Variants in NRXN3 observed in about 807,000 individuals in gnomAD.
NRXN3 encodes neurexin 3.
Under a neutral mutation model 137.6 loss-of-function variants are expected in NRXN3, and 32 were observed. That is an observed-to-expected ratio of 0.23 (90% confidence interval 0.18 to 0.31). The LOEUF is 0.31. NRXN3 is among the 10% of genes least tolerant of loss of function. NRXN3 has a pLI of 1.00. For missense variants in NRXN3, 1,574 were observed against 2,062.5 expected (o/e 0.76, Z 4.59); for synonymous variants, 798 against 784.5 (o/e 1.02, Z -0.29).
intron 10 of NRXN3, among the ~76,000 whole-genome samples, chr14:78,930,960 C>T (rs2099320035): frequency 6.6e-6 from 1 of 152,066 alleles, no homozygotes; most frequent in Admixed American, 6.6e-5. Flanking sequence ...TTCATACACA[C>T]ATAATTTGAA....
Position 78,243,605 on chromosome 14 carries a change from G to A in NRXN3, c.512G>A (p.Gly171Asp), listed in dbSNP as rs751792833. 1 of 1,598,324 alleles carries A rather than the reference G, an allele frequency of 6.3e-7. No homozygotes were observed. Among genetic ancestry groups the A allele is most frequent in the Non-Finnish European group, 8.5e-7 (1 of 1,179,814 alleles). ...LTLDGVQAMP[G>D]FKGLILDLKY... ...CTTGATGGAGTTCAGGCCATGCCCG[G>A]CTTCAAGGGGTTAATTCTGGATCTC... The change falls in exon 2 of 21, where the codon GGC becomes GAC. Residue 171 changes from glycine (G) to aspartate (D), a missense_variant. Physicochemically the swap from Gly to Asp is moderately conservative, Grantham distance 94. Transcript: ENST00000335750. The surrounding 1 kb of genome is among the most constrained non-coding windows in gnomAD (Gnocchi z 4.2).
At chr14:79,389,784 G>A (rs1769980954) in intron 15 of NRXN3, among the ~76,000 whole-genome samples, 1 of 152,050 alleles carries the variant, frequency 6.6e-6, no homozygotes, top group Non-Finnish European at 1.5e-5. Context: ...ATTAATGAAA[G>A]GTCTGTCTCT....
At chr14:78,233,995 T>C (rs2065831882) in intron 1 of NRXN3, among the ~76,000 whole-genome samples, 1 of 152,200 alleles carries the variant, frequency 6.6e-6, no homozygotes, top group Non-Finnish European at 1.5e-5. Context: ...AGTAATTGAA[T>C]CATGGGGGCA....
intron 15 of NRXN3, among the ~76,000 whole-genome samples, chr14:79,007,638 T>C (rs2099555986): frequency 6.6e-6 from 1 of 151,552 alleles, no homozygotes; most frequent in Non-Finnish European, 1.5e-5. Context: ...ACCCCGTCTC[T>C]ACTAAAAAAT....
At chr14:79,444,963 A>G (rs993714258) in intron 15 of NRXN3, among the ~76,000 whole-genome samples, 2 of 152,266 alleles carry the variant, frequency 1.3e-5, no homozygotes, top group African/African-American at 4.8e-5. Context: ...CCTGATGACT[A>G]TATGGCAGTT....
chr14:78,884,802 A>G (rs983183287), intron 10 of NRXN3, among the ~76,000 whole-genome samples: 7 of 152,154 alleles, frequency 4.6e-5, no homozygotes, highest in Non-Finnish European at 1.5e-5. Context: ...GCCACTAACT[A>G]GCTGTGCAAT....
At chr14:78,417,924 T>G (rs2093235876) in intron 4 of NRXN3, among the ~76,000 whole-genome samples, 2 of 152,150 alleles carry the variant, frequency 1.3e-5, no homozygotes, top group Non-Finnish European at 2.9e-5. Context: ...GCCCAGCTAA[T>G]TTTTGTATTT....
chr14:78,981,568 T>G (rs969415965), intron 14 of NRXN3, among the ~76,000 whole-genome samples: 4 of 152,246 alleles, frequency 2.6e-5, no homozygotes, highest in South Asian at 2.1e-4. Flanking sequence ...AGATCTCCTA[T>G]GAGAAAATAA....
intron 1 of NRXN3, among the ~76,000 whole-genome samples, chr14:78,220,422 G>T (rs2063729963): frequency 6.6e-6 from 1 of 152,174 alleles, no homozygotes; most frequent in African/African-American, 2.4e-5. Context: ...AGGCCTGGGA[G>T]GTGGGAACTG....
At chr14:78,305,933 G>A (rs2077328276) in intron 4 of NRXN3, among the ~76,000 whole-genome samples, 2 of 152,240 alleles carry the variant, frequency 1.3e-5, no homozygotes, top group Middle Eastern at 3.4e-3. Flanking sequence ...AACATAAAAA[G>A]TAAATTGCTT....
intron 1 of NRXN3, among the ~76,000 whole-genome samples, chr14:78,182,197 C>A (rs948526838): frequency 2.0e-5 from 3 of 152,122 alleles, no homozygotes; most frequent in Non-Finnish European, 4.4e-5. Context: ...AGTATCACCT[C>A]ATTTAATTTT....
chr14:78,754,815 A>G (rs1168142829), intron 8 of NRXN3, among the ~76,000 whole-genome samples: 4 of 150,720 alleles, frequency 2.7e-5, no homozygotes, highest in Non-Finnish European at 4.4e-5. Context: ...TGAACTCGAT[A>G]ACCACCATTT....
At chr14:79,548,025 T>C (rs1483459372) in intron 16 of NRXN3, among the ~76,000 whole-genome samples, 1 of 152,120 alleles carries the variant, frequency 6.6e-6, no homozygotes, top group Non-Finnish European at 1.5e-5. Flanking sequence ...TATTTCTTTT[T>C]TTTTTAACTA....
intron 10 of NRXN3, among the ~76,000 whole-genome samples, chr14:78,874,652 A>G (rs1251325970): frequency 6.6e-6 from 1 of 152,094 alleles, no homozygotes; most frequent in African/African-American, 2.4e-5. Context: ...TTCTCCCAAG[A>G]CAACATCCTC....
At chr14:78,398,739 TG>T (rs1377208499) in intron 4 of NRXN3, among the ~76,000 whole-genome samples, 1 of 152,192 alleles carries the variant, frequency 6.6e-6, no homozygotes, top group Non-Finnish European at 1.5e-5. Context: ...CCCGAGGGGA[TG>T]GGGAGTGGTG....
At chr14:78,931,441 T>C (rs1288447040) in intron 10 of NRXN3, among the ~76,000 whole-genome samples, 5 of 152,242 alleles carry the variant, frequency 3.3e-5, no homozygotes, top group African/African-American at 1.2e-4. Flanking sequence ...CATGCGATAA[T>C]GATAGGACTT....
chr14:79,173,530 C>CA (rs57188919), intron 15 of NRXN3, among the ~76,000 whole-genome samples: 30,196 of 90,742 alleles, frequency 0.33, 4,025 homozygotes, highest in Non-Finnish European at 0.36. Flanking sequence ...GACCTTGTCT[C>CA]AAAAAAAAAA....
chr14:79,586,887 T>C (rs1284959300), intron 16 of NRXN3, among the ~76,000 whole-genome samples: 1 of 152,236 alleles, frequency 6.6e-6, no homozygotes, highest in Non-Finnish European at 1.5e-5. Context: ...TGGCATATAC[T>C]AGTTCTTCAC....
At chr14:78,895,937 CAAT>C (rs2099172900) in intron 10 of NRXN3, among the ~76,000 whole-genome samples, 1 of 151,744 alleles carries the variant, frequency 6.6e-6, no homozygotes, top group Non-Finnish European at 1.5e-5. Flanking sequence ...CAAAGAATTA[CAAT>C]AATGACATCA....
Sources: allele counts gnomAD v4.1 joint callset (sites outside exome capture counted in the v4.1 genomes callset), GRCh38; gene constraint gnomAD v4.1.1; non-coding constraint Gnocchi (gnomAD v3.1); transcripts MANE v1.5; gene names NCBI Gene and HGNC (gene_info 2026-07-23, HGNC 2026-07-21).